The following NLGN3 variants were observed in gnomAD, a reference collection of about 807,000 sequenced individuals.
NLGN3 encodes neuroligin-3.
A neutral mutation model predicts 42.9 loss-of-function variants in NLGN3; 11 were observed. The ratio of observed to expected loss-of-function variants is 0.26; its 90% CI spans 0.16 to 0.42. The LOEUF is 0.42. NLGN3 is among the 10% of genes least tolerant of loss of function. NLGN3 has a pLI of 1.00. For synonymous variants in NLGN3, 279 were observed against 312.7 expected, an observed-to-expected ratio of 0.89 and a Z score of 1.14; for missense variants, 374 against 733.8, an observed-to-expected ratio of 0.51 and a Z score of 5.67.
chrX:71,146,160 CACACACACACAG>C lies in NLGN3; in HGVS notation c.-201+1208_-201+1219del, dbSNP rs1394144401. ...TCTCTCTCTCTCTCTCTCTCACACACACACACACACAGACACACACACACACACACACACACA... is the reference window on the plus strand; with the variant it reads ...TCTCTCTCTCTCTCTCTCTCACACACACACACACACACACACACACACACA... On this transcript the variant is annotated intron_variant, in intron 1 of 7. Transcript: ENST00000358741. Among the ~76,000 whole-genome samples the C allele has an allele frequency of 6.6e-3, 322 of 49,042 alleles. 7 individuals carry two copies. Among genetic ancestry groups the C allele is most frequent in the African/African-American group, 0.033 (289 of 8,865 alleles). The allele number at this position is 49,042 out of a possible 115,157, so 42.6% of individuals were successfully genotyped here.
At chrX:71,145,800 G>C (rs749318206) in intron 1 of NLGN3, among the ~76,000 whole-genome samples, 1 of 97,544 alleles carries the variant, frequency 1.0e-5, no homozygotes, top group South Asian at 5.8e-4. Context: ...AGCACCGAGG[G>C]GGTTAATGTG....
chrX:71,153,450 T>A, intron 3 of NLGN3, 27 bp from the exon 4 acceptor site: 1 of 1,192,335 alleles, frequency 8.4e-7, no homozygotes, highest in Non-Finnish European at 1.1e-6. Context: ...TTCTGTGCTG[T>A]TGTGTCTCCC....
Position 71,148,043 on chromosome X carries a change from C to T in NLGN3, c.294C>T (p.Asn98=), listed in dbSNP as rs779027498. The T allele has an allele frequency of 5.0e-6, 6 of 1,207,369 alleles. No individual in the cohort carries two copies. In the South Asian group the frequency reaches 7.1e-5, roughly 14 times the overall value. Residue 98 remains asparagine, a synonymous_variant, in exon 2 of 8, where the codon AAC becomes AAT. Coordinates refer to ENST00000358741, the MANE Select transcript of NLGN3 (RefSeq NM_181303.2). ...EPPPSWSGIR[N]ATHFPPVCPQ... ...CCCCATCCTGGTCGGGCATCCGGAA[C>T]GCCACACACTTTCCCCCAGTGTGCC...
intron 7 of NLGN3, among the ~76,000 whole-genome samples, chrX:71,168,705 G>A (rs111479971): frequency 0.071 from 6,580 of 92,253 alleles, 570 homozygotes; most frequent in African/African-American, 0.22. Context: ...CTGTGCGACA[G>A]AGCGAGACTC....
At chrX:71,159,834 C>T (rs1028930280) in intron 5 of NLGN3, among the ~76,000 whole-genome samples, 7 of 106,504 alleles carry the variant, frequency 6.6e-5, no homozygotes, top group African/African-American at 2.4e-4. Flanking sequence ...AAGCGATTCT[C>T]GTGCCTCAGC....
downstream of NLGN3, among the ~76,000 whole-genome samples, chrX:71,173,605 A>G (rs1436514658): frequency 2.7e-5 from 3 of 112,418 alleles, no homozygotes; most frequent in East Asian, 8.3e-4. Flanking sequence ...TCCTTTAAGG[A>G]GTTGGACACA....
chrX:71,150,794 C>T (rs887421860), intron 3 of NLGN3, among the ~76,000 whole-genome samples: 21 of 110,974 alleles, frequency 1.9e-4, no homozygotes, highest in African/African-American at 6.2e-4. Context: ...GAAGAATGAT[C>T]GCCCAGTAAG....
chrX:71,165,330 C>G (rs2092443298), intron 6 of NLGN3, among the ~76,000 whole-genome samples: 1 of 111,263 alleles, frequency 9.0e-6, no homozygotes, highest in South Asian at 3.8e-4. Context: ...TCCTAGGTGA[C>G]CATAGTGGGA....
In NLGN3 at chrX:71,169,700, C is replaced by T. The variant is rs1327971897; in HGVS notation, c.2150C>T (p.Ser717Phe). The change falls in exon 8 of 8, where the codon TCC (serine) becomes TTC (phenylalanine). Residue 717 changes from serine to phenylalanine, a missense_variant. Physicochemically the swap from Ser to Phe is radical, Grantham distance 155 (BLOSUM62 -2). Transcript: ENST00000358741. ...AGTGTCACCATCGCCGTGGGGGCCT[C>T]CCTCCTGTTCCTTAACGTTCTGGCC... ...ELSVTIAVGA[S>F]LLFLNVLAFA... The T allele has an allele frequency of 8.3e-7, 1 of 1,211,911 alleles. No individual in the cohort carries two copies. The highest frequency in any genetic ancestry group is 1.1e-6 in the Non-Finnish European group (1 of 895,363).
Position 71,170,693 on chromosome X carries a change from C to T in NLGN3, c.*596C>T. The T allele has an allele frequency of 2.6e-6, 2 of 765,845 alleles. No homozygotes were observed. Among genetic ancestry groups the T allele is most frequent in the Non-Finnish European group, 3.1e-6 (2 of 645,759 alleles). The allele number at this position is 765,845 out of a possible 1,213,427, so 63.1% of individuals were successfully genotyped here. A position where few individuals can be genotyped will look rare whatever the true frequency, so the allele number is the denominator to read the frequency against. ...CTAGGACCCCCAGTGCTCACACAAT[C>T]AGACCAAGGAACAAGACCCCCAGGA... On this transcript the variant is annotated 3_prime_UTR_variant, in exon 8 of 8. Transcript: ENST00000358741.
In NLGN3 at chrX:71,171,001, A is replaced by G; in HGVS notation, c.*904A>G. 1 of 753,267 alleles carries G rather than the reference A, an allele frequency of 1.3e-6. No individual in the cohort carries two copies. The highest frequency in any genetic ancestry group is 6.8e-5 in the South Asian group (1 of 14,793). The allele number at this position is 753,267 out of a possible 1,213,427, so 62.1% of individuals were successfully genotyped here. A position where few individuals can be genotyped will look rare whatever the true frequency, so the allele number is the denominator to read the frequency against. On this transcript the variant is annotated 3_prime_UTR_variant, in exon 8 of 8. Coordinates refer to ENST00000358741, the MANE Select transcript of NLGN3 (RefSeq NM_181303.2). Reference sequence around the variant, plus strand: ...TGCCCTTGGGGAAATGCTATCAGAAATTCGCCCCATTTTCTTTACAGTCTT... The same window carrying G: ...TGCCCTTGGGGAAATGCTATCAGAAGTTCGCCCCATTTTCTTTACAGTCTT...
intron 3 of NLGN3, among the ~76,000 whole-genome samples, chrX:71,151,181 C>G (rs560950774): frequency 1.1e-4 from 12 of 110,538 alleles, no homozygotes; most frequent in African/African-American, 4.0e-4. Flanking sequence ...TGGTGGCACA[C>G]ACCTGTAGTC....
intron 6 of NLGN3, among the ~76,000 whole-genome samples, chrX:71,166,580 C>T (rs903703870): frequency 2.7e-5 from 3 of 112,144 alleles, no homozygotes; most frequent in Non-Finnish European, 5.6e-5. Flanking sequence ...GAATGTGGGG[C>T]TCTTGCCTGC....
intron 7 of NLGN3, 23 bp from the exon 8 acceptor site, chrX:71,169,231 C>A: frequency 8.3e-7 from 1 of 1,209,860 alleles, no homozygotes; most frequent in Non-Finnish European, 1.1e-6. Context: ...GTGGTGACCC[C>A]AGATTTCCAT....
chrX:71,165,374 G>A (rs2092443410), intron 6 of NLGN3, among the ~76,000 whole-genome samples: 3 of 111,852 alleles, frequency 2.7e-5, no homozygotes, highest in East Asian at 2.8e-4. Flanking sequence ...AAAGGAGGGC[G>A]AAATGACGGG....
At chrX:71,155,835 C>A (rs2092406812) in intron 5 of NLGN3, among the ~76,000 whole-genome samples, 1 of 111,050 alleles carries the variant, frequency 9.0e-6, no homozygotes, top group African/African-American at 3.3e-5. Flanking sequence ...ATTTCTCACT[C>A]ACCCCCATAA....
chrX:71,149,558 G>A (rs2092383381), intron 3 of NLGN3, among the ~76,000 whole-genome samples: 1 of 111,784 alleles, frequency 8.9e-6, no homozygotes, highest in Non-Finnish European at 1.9e-5. Flanking sequence ...TCTTCCTGTT[G>A]GAATATCACT....
Position 71,165,520 on chromosome X carries a change from CT to C in NLGN3, c.913+1203del, listed in dbSNP as rs1313514066. Among the ~76,000 whole-genome samples, 390 of 105,788 alleles carry C rather than the reference CT, an allele frequency of 3.7e-3. 3 individuals are homozygous for C. Among genetic ancestry groups the C allele is most frequent in the Non-Finnish European group, 5.3e-3 (268 of 50,809 alleles). 91.9% of individuals were successfully genotyped at this position (105,788 alleles called of 115,157 possible). Reference sequence around the variant, plus strand: ...GGGGCCTGTGTCTCTGGAGGTTTGACTTTTTTTTTTTCTTTGAGACAAGATC... The same window carrying C: ...GGGGCCTGTGTCTCTGGAGGTTTGACTTTTTTTTTTCTTTGAGACAAGATC... On this transcript the variant is annotated intron_variant, in intron 6 of 7. Coordinates refer to ENST00000358741, the MANE Select transcript of NLGN3 (RefSeq NM_181303.2).
At chrX:71,155,911 A>G (rs183681903) in intron 5 of NLGN3, among the ~76,000 whole-genome samples, 2 of 109,777 alleles carry the variant, frequency 1.8e-5, no homozygotes, top group Admixed American at 9.7e-5. Flanking sequence ...TTCTCCTAGC[A>G]CTCCAGGTAA....
Sources: allele counts gnomAD v4.1 joint callset (sites outside exome capture counted in the v4.1 genomes callset), GRCh38; gene constraint gnomAD v4.1.1; transcripts MANE v1.5; gene names NCBI Gene and HGNC (gene_info 2026-07-23, HGNC 2026-07-21).